The following ADGRL3 variants were observed in gnomAD, a reference collection of about 807,000 sequenced individuals.
The protein encoded by ADGRL3 is adhesion G protein-coupled receptor L3.
ADGRL3 carries 62 observed loss-of-function variants against 153.5 expected under a neutral mutation model. The ratio of observed to expected loss-of-function variants is 0.40; its 90% CI spans 0.33 to 0.50. ADGRL3 has a LOEUF of 0.50. Among genes scored for constraint, ADGRL3 ranks in the 20% least tolerant of loss-of-function variants. ADGRL3 has a pLI of 0.47. For synonymous variants in ADGRL3, 710 were observed against 672.5 expected, an observed-to-expected ratio of 1.06 and a Z score of -0.86; for missense variants, 1,641 against 1,859.4, an observed-to-expected ratio of 0.88 and a Z score of 2.16.
intron 1 of ADGRL3, among the ~76,000 whole-genome samples, chr4:61,249,421 C>T (rs1758345305): frequency 6.6e-6 from 1 of 152,090 alleles, no homozygotes; most frequent in Non-Finnish European, 1.5e-5. Flanking sequence ...ACCAAAGCTC[C>T]TGCCTCACCC....
chr4:61,239,125 T>A (rs919094613), intron 1 of ADGRL3, among the ~76,000 whole-genome samples: 3 of 152,152 alleles, frequency 2.0e-5, no homozygotes, highest in Non-Finnish European at 4.4e-5. Context: ...CACCAAGCAC[T>A]GGCTGTTTTA....
At chr4:61,405,402 A>C (rs1014252320) in intron 2 of ADGRL3, among the ~76,000 whole-genome samples, 1 of 152,002 alleles carries the variant, frequency 6.6e-6, no homozygotes, top group African/African-American at 2.4e-5. Flanking sequence ...AGCTGTGTTT[A>C]TTATGAGCTA....
At chr4:61,566,268 CTG>C (rs2149056172) in intron 4 of ADGRL3, among the ~76,000 whole-genome samples, 1 of 152,268 alleles carries the variant, frequency 6.6e-6, no homozygotes, top group East Asian at 1.9e-4. Context: ...TGTCATTTCT[CTG>C]TGTGTGTCTG....
chr4:61,522,209 C>G (rs1449111038), intron 4 of ADGRL3, among the ~76,000 whole-genome samples: 1 of 152,074 alleles, frequency 6.6e-6, no homozygotes, highest in African/African-American at 2.4e-5. Flanking sequence ...TTTGGAGAAG[C>G]AGGAGACCAC....
At chr4:61,237,762 A>G (rs908910086) in intron 1 of ADGRL3, among the ~76,000 whole-genome samples, 8 of 152,200 alleles carry the variant, frequency 5.3e-5, no homozygotes, top group African/African-American at 1.9e-4. Context: ...AAAATCTGGT[A>G]GGTAATCACA....
At chr4:61,241,332 G>T (rs1408799479) in intron 1 of ADGRL3, among the ~76,000 whole-genome samples, 1 of 151,806 alleles carries the variant, frequency 6.6e-6, no homozygotes, top group African/African-American at 2.4e-5. Context: ...GAGGATATGT[G>T]GTTCAATATA....
At chr4:61,561,024 T>G (rs767128833) in intron 4 of ADGRL3, among the ~76,000 whole-genome samples, 1 of 152,144 alleles carries the variant, frequency 6.6e-6, no homozygotes, top group Non-Finnish European at 1.5e-5. Flanking sequence ...TTATTTAACA[T>G]TGTCTCAAGG....
At chr4:62,062,209 G>A (rs1740603231) in intron 25 of ADGRL3, among the ~76,000 whole-genome samples, 1 of 151,836 alleles carries the variant, frequency 6.6e-6, no homozygotes, top group Non-Finnish European at 1.5e-5. Flanking sequence ...ATAACAATTT[G>A]TTTCATAAGA....
intron 2 of ADGRL3, among the ~76,000 whole-genome samples, chr4:61,464,735 A>G (rs1451033715): frequency 1.3e-5 from 2 of 152,136 alleles, no homozygotes; most frequent in African/African-American, 4.8e-5. Flanking sequence ...TGACCATTTG[A>G]TTTGAAATTG....
At chr4:61,842,815 T>C (rs1370665708) in intron 9 of ADGRL3, among the ~76,000 whole-genome samples, 1 of 152,186 alleles carries the variant, frequency 6.6e-6, no homozygotes, top group African/African-American at 2.4e-5. Context: ...TATAATTTCA[T>C]TGAAAAGATC....
At position 61,855,219 on chromosome 4, in the gene ADGRL3, T is replaced by C. The variant is rs2098249421; in HGVS notation, c.1481-37437T>C. Among the ~76,000 whole-genome samples the C allele has an allele frequency of 2.6e-5, 4 of 152,198 alleles. No homozygotes were observed. In the South Asian group the frequency reaches 8.3e-4, roughly 31 times the overall value. ...GATATTAAAAATAGAAACTGAATGC[T>C]GGCTCTAGGGAAACCCCATGTGTTT... On this transcript the variant is annotated intron_variant, in intron 9 of 26. Coordinates refer to ENST00000683033, the MANE Select transcript of ADGRL3 (RefSeq NM_001387552.1).
intron 5 of ADGRL3, among the ~76,000 whole-genome samples, chr4:61,590,062 A>G (rs1035241592): frequency 1.3e-5 from 2 of 152,104 alleles, no homozygotes; most frequent in Non-Finnish European, 2.9e-5. Context: ...CTAACCAGAG[A>G]ACTTATTAAA....
chr4:61,677,851 GACATT>G (rs1443788617), intron 6 of ADGRL3, among the ~76,000 whole-genome samples: 1 of 151,930 alleles, frequency 6.6e-6, no homozygotes, highest in African/African-American at 2.4e-5. Flanking sequence ...AAAGAAGCAG[GACATT>G]ACTCATGAGC....
At chr4:61,241,908 T>C (rs899657498) in intron 1 of ADGRL3, among the ~76,000 whole-genome samples, 5 of 152,108 alleles carry the variant, frequency 3.3e-5, no homozygotes, top group Non-Finnish European at 5.9e-5. Context: ...GATCTGATAA[T>C]GCAATTCCTT....
rs2096467455 is a variant in ADGRL3, at chr4:61,733,446, T to C, written c.1291T>C (p.Tyr431His). The C allele has an allele frequency of 2.5e-6, 4 of 1,613,538 alleles. No individual in the cohort carries two copies. In the Admixed American group the frequency reaches 5.0e-5, roughly 20 times the overall value. The change falls in exon 8 of 27, where the codon TAC (tyrosine) becomes CAC (histidine). Residue 431 changes from tyrosine (Y) to histidine (H), a missense_variant. Tyr to His is a moderately conservative substitution (Grantham distance 83, BLOSUM62 2). Around this residue, in one of 5 missense-constraint regions of ADGRL3, gnomAD observed 734 missense variants for 797.0 expected, o/e 0.92. Transcript: ENST00000683033. The stretch of plus-strand genomic sequence containing the variant: ...TGTACCCTTTCCTAATTCATACCAG[T>C]ACATTGCAGCTGTGGATTACAACCC... ...VDVPFPNSYQ[Y>H]IAAVDYNPRD...
At chr4:61,813,137 G>A (rs757468309) in intron 8 of ADGRL3, among the ~76,000 whole-genome samples, 1 of 152,152 alleles carries the variant, frequency 6.6e-6, no homozygotes, top group Non-Finnish European at 1.5e-5. Context: ...GCTCAAGTCT[G>A]TAATCCCAGC....
At chr4:61,379,199 T>C (rs2096638956) in intron 1 of ADGRL3, among the ~76,000 whole-genome samples, 1 of 151,874 alleles carries the variant, frequency 6.6e-6, no homozygotes, top group South Asian at 2.1e-4. Flanking sequence ...AAGGGGGTAG[T>C]TGGAAAAAGG....
chr4:61,560,957 G>A (rs1267270398), intron 4 of ADGRL3, among the ~76,000 whole-genome samples: 1 of 152,004 alleles, frequency 6.6e-6, no homozygotes, highest in Non-Finnish European at 1.5e-5. Context: ...ACTTGAAAAA[G>A]ATATATAGAT....
intron 17 of ADGRL3, among the ~76,000 whole-genome samples, chr4:61,960,460 GA>G (rs773682656): frequency 1.3e-5 from 2 of 152,200 alleles, no homozygotes; most frequent in African/African-American, 2.4e-5. Flanking sequence ...GTCTAGAACA[GA>G]AGACTTCGTA....
Sources: allele counts gnomAD v4.1 joint callset (sites outside exome capture counted in the v4.1 genomes callset), GRCh38; gene constraint gnomAD v4.1.1; regional missense constraint gnomAD v4.1.1; transcripts MANE v1.5; gene names NCBI Gene and HGNC (gene_info 2026-07-23, HGNC 2026-07-21).